The following NUBPL variants were observed in gnomAD, a reference collection of about 807,000 sequenced individuals.
NUBPL encodes the protein iron-sulfur cluster transfer protein NUBPL.
Under a neutral mutation model 45.7 loss-of-function variants are expected in NUBPL, and 31 were observed. The observed-to-expected ratio is 0.68, with a 90% CI of 0.51 to 0.92. The LOEUF is 0.92. NUBPL is among the 40% of genes least tolerant of loss of function. The probability of loss-of-function intolerance (pLI) is 0.00; values close to 1 mark genes in which losing one functional copy is unlikely to be tolerated. For missense variants in NUBPL, 401 were observed against 398.7 expected (o/e 1.01, Z -0.05); for synonymous variants, 144 against 140.9 (o/e 1.02, Z -0.15).
rs45468395 is a variant in NUBPL, at chr14:31,561,439, C to T, written c.-1C>T. The T allele has an allele frequency of 8.4e-3, 11,760 of 1,405,526 alleles. 69 individuals are homozygous for T. Among genetic ancestry groups the T allele is most frequent in the Non-Finnish European group, 9.3e-3 (9,913 of 1,069,258 alleles). The allele number at this position is 1,405,526 out of a possible 1,614,324, so 87.1% of individuals were successfully genotyped here. A position where few individuals can be genotyped will look rare whatever the true frequency, so the allele number is the denominator to read the frequency against. On this transcript the variant is annotated 5_prime_UTR_variant, in exon 1 of 11. Transcript: ENST00000281081. ...CAGGGCTCACAGCAGCGTTCCGCGT[C>T]ATGGGGATTTGGCAGCGTCTGCTGC...
At chr14:31,687,275 G>T (rs1018874027) in intron 6 of NUBPL, among the ~76,000 whole-genome samples, 1 of 152,146 alleles carries the variant, frequency 6.6e-6, no homozygotes, top group African/African-American at 2.4e-5. Context: ...AAAACTTGCA[G>T]ATGAACCATG....
chr14:31,831,056 A>ATTTT (rs1007773418), intron 8 of NUBPL, among the ~76,000 whole-genome samples: 3 of 151,346 alleles, frequency 2.0e-5, no homozygotes, highest in African/African-American at 7.3e-5. Flanking sequence ...TTATTTATTT[A>ATTTT]TTTTTTTGAG....
intron 4 of NUBPL, among the ~76,000 whole-genome samples, chr14:31,633,406 G>A (rs557509715): frequency 7.2e-5 from 11 of 152,262 alleles, no homozygotes; most frequent in South Asian, 6.2e-4. Flanking sequence ...GAAATTAGTC[G>A]TAGTTTTATA....
At chr14:31,708,724 C>A (rs915281191) in intron 6 of NUBPL, among the ~76,000 whole-genome samples, 1 of 152,108 alleles carries the variant, frequency 6.6e-6, no homozygotes, top group Non-Finnish European at 1.5e-5. Context: ...TTAAAGGTAC[C>A]TGGGGCTGAG....
At chr14:31,615,885 A>G (rs1012320870) in intron 4 of NUBPL, among the ~76,000 whole-genome samples, 8 of 152,178 alleles carry the variant, frequency 5.3e-5, no homozygotes, top group Non-Finnish European at 8.8e-5. Flanking sequence ...GTCTTCCACA[A>G]TGGTTGAACT....
At chr14:31,756,005 T>C (rs1320970747) in intron 6 of NUBPL, among the ~76,000 whole-genome samples, 5 of 152,258 alleles carry the variant, frequency 3.3e-5, no homozygotes, top group Admixed American at 2.0e-4. Flanking sequence ...GATCAGATAG[T>C]TGTAGATAAT....
At chr14:31,749,388 T>C (rs1400027154) in intron 6 of NUBPL, among the ~76,000 whole-genome samples, 1 of 152,224 alleles carries the variant, frequency 6.6e-6, no homozygotes, top group African/African-American at 2.4e-5. Flanking sequence ...GTAAAGCTGG[T>C]CTTATGGTGA....
chr14:31,691,402 C>T (rs1213089202), intron 6 of NUBPL, among the ~76,000 whole-genome samples: 4 of 152,208 alleles, frequency 2.6e-5, no homozygotes, highest in Non-Finnish European at 5.9e-5. Context: ...TTCTGATCAA[C>T]AGCAGGGTAT....
At chr14:31,580,895 C>A (rs1001413260) in intron 3 of NUBPL, among the ~76,000 whole-genome samples, 7 of 152,158 alleles carry the variant, frequency 4.6e-5, no homozygotes, top group African/African-American at 1.7e-4. Flanking sequence ...TGCAAAGCCT[C>A]ATAAGCCGTG....
intron 4 of NUBPL, among the ~76,000 whole-genome samples, chr14:31,637,264 G>A (rs1034064061): frequency 6.6e-6 from 1 of 152,128 alleles, no homozygotes; most frequent in Non-Finnish European, 1.5e-5. Context: ...CTTTGAATGT[G>A]TCCCAGAGAT....
rs1253708500 is a variant in NUBPL, at chr14:31,673,496, C to T, written c.435C>T (p.Gly145=). 1.9e-6 allele frequency: 3 copies of T among 1,613,682 alleles called. No homozygotes were observed. In the African/African-American group the frequency reaches 4.0e-5, roughly 22 times the overall value. Residue 145 remains glycine (G), a synonymous_variant, in exon 6 of 11, where the codon GGC becomes GGT. Coordinates refer to ENST00000281081, the MANE Select transcript of NUBPL (RefSeq NM_025152.3). ...LNYGIACMSM[G]FLVEESEPVV... is the part of the protein sequence containing the mutation. Reference sequence around the variant, plus strand: ...GTTACTGTTGCAGTATGTCTATGGGCTTTCTGGTTGAAGAAAGTGAACCAG... The same window carrying T: ...GTTACTGTTGCAGTATGTCTATGGGTTTTCTGGTTGAAGAAAGTGAACCAG...
chr14:31,775,169 A>G (rs60541272), intron 6 of NUBPL, among the ~76,000 whole-genome samples: 117 of 152,192 alleles, frequency 7.7e-4, no homozygotes, highest in African/African-American at 1.5e-3. Flanking sequence ...TGTACTCCCA[A>G]CACTTTGGGA....
rs573011154 is a variant in NUBPL at position 31,603,124 on chromosome 14, C to A, written c.382+3745C>A. 4.6e-5 allele frequency among the ~76,000 whole-genome samples: 7 copies of A among 151,590 alleles called. No individual in the cohort carries two copies. In the South Asian group the frequency reaches 1.5e-3, roughly 32 times the overall value. On this transcript the variant is annotated intron_variant, in intron 4 of 10. Transcript: ENST00000281081. ...CCCAGGAGTTCAAGACCAGCCTGGG[C>A]AACATAGTGAGACAAAAATAAAAAA... is the stretch of plus-strand genomic sequence containing the variant.
chr14:31,838,279 C>CAAAAAAAAAAAAAAAAAAAAAAAAAAA (rs748313330), intron 8 of NUBPL, among the ~76,000 whole-genome samples: 2 of 60,266 alleles, frequency 3.3e-5, no homozygotes, highest in Non-Finnish European at 7.4e-5. Flanking sequence ...TAATATCCAG[C>CAAAAAAAAAAAAAAAAAAAAAAAAAAA]AAAAAAAAAA....
At chr14:31,641,923 T>C (rs972235112) in intron 4 of NUBPL, among the ~76,000 whole-genome samples, 35 of 152,354 alleles carry the variant, frequency 2.3e-4, no homozygotes, top group African/African-American at 8.2e-4. Context: ...TGCATTTCTC[T>C]GATCATTAGT....
intron 6 of NUBPL, among the ~76,000 whole-genome samples, chr14:31,777,702 T>C (rs550122915): frequency 2.0e-5 from 3 of 152,310 alleles, no homozygotes; most frequent in African/African-American, 7.2e-5. Flanking sequence ...AAGGTGTCCC[T>C]TTCAGAGATT....
intron 3 of NUBPL, among the ~76,000 whole-genome samples, chr14:31,599,087 A>T (rs536142419): frequency 1.3e-4 from 20 of 152,306 alleles, no homozygotes; most frequent in African/African-American, 4.8e-4. Context: ...GTAAATCGTA[A>T]AAAGTATTGA....
intron 6 of NUBPL, among the ~76,000 whole-genome samples, chr14:31,768,068 G>A (rs191901776): frequency 1.3e-5 from 2 of 152,280 alleles, no homozygotes; most frequent in African/African-American, 4.8e-5. Context: ...TAGACTATCA[G>A]TCTTCCAATT....
chr14:31,841,993 C>G (rs2040383023), intron 8 of NUBPL, among the ~76,000 whole-genome samples: 1 of 124,428 alleles, frequency 8.0e-6, no homozygotes, highest in Non-Finnish European at 1.6e-5. Flanking sequence ...TACAGTGGCA[C>G]AATCTCAGCT....
Sources: allele counts gnomAD v4.1 joint callset (sites outside exome capture counted in the v4.1 genomes callset), GRCh38; gene constraint gnomAD v4.1.1; transcripts MANE v1.5; gene names NCBI Gene and HGNC (gene_info 2026-07-23, HGNC 2026-07-21).